SLIT3: variants seen among roughly 807,000 people sequenced by gnomAD.
SLIT3 encodes slit homolog 3 protein.
SLIT3 carries 68 observed loss-of-function variants against 184.0 expected under a neutral mutation model. That is an observed-to-expected ratio of 0.37 (90% confidence interval 0.30 to 0.45). The LOEUF (loss-of-function observed/expected upper bound fraction) is 0.45, where lower values mean the gene tolerates loss of function less well. Among genes scored for constraint, SLIT3 ranks in the 20% least tolerant of loss-of-function variants. The pLI, the probability that SLIT3 is intolerant of heterozygous loss-of-function variation, is 1.00. For synonymous variants in SLIT3, 831 were observed against 828.6 expected (o/e 1.00, Z -0.05); for missense variants, 1,707 against 2,026.0 (o/e 0.84, Z 3.02).
At chr5:169,206,926 A>G (rs988920341) in intron 3 of SLIT3, among the ~76,000 whole-genome samples, 1 of 152,148 alleles carries the variant, frequency 6.6e-6, no homozygotes, top group African/African-American at 2.4e-5. Flanking sequence ...TTTGCTAGAA[A>G]AGGAAGATAC....
chr5:168,974,502 G>A (rs1754684664), intron 4 of SLIT3, among the ~76,000 whole-genome samples: 1 of 152,188 alleles, frequency 6.6e-6, no homozygotes, highest in Non-Finnish European at 1.5e-5. Context: ...GTTTTCAAGG[G>A]TACATTTGAC....
chr5:169,043,336 G>C (rs971727549), intron 4 of SLIT3, among the ~76,000 whole-genome samples: 3 of 152,200 alleles, frequency 2.0e-5, no homozygotes, highest in Admixed American at 6.5e-5. Flanking sequence ...AAATTTGCTA[G>C]AAAAGTTTGA....
chr5:168,774,570 C>G (rs1201472143), intron 12 of SLIT3, among the ~76,000 whole-genome samples, 192 bp from the exon 13 acceptor site: 2 of 152,176 alleles, frequency 1.3e-5, no homozygotes. Flanking sequence ...CTTCTGGGCA[C>G]CTGCACACAC....
intron 32 of SLIT3, among the ~76,000 whole-genome samples, chr5:168,674,118 G>A (rs1374038399): frequency 6.6e-6 from 1 of 152,112 alleles, no homozygotes; most frequent in Non-Finnish European, 1.5e-5. Context: ...TCCCCCCTAA[G>A]GTCACCTCAG....
intron 4 of SLIT3, among the ~76,000 whole-genome samples, chr5:169,099,646 A>G (rs1387138017): frequency 6.6e-6 from 1 of 152,218 alleles, no homozygotes; most frequent in African/African-American, 2.4e-5. Context: ...GTTGAAATCC[A>G]GGCAGTCTGC....
rs776587669 is a variant in SLIT3 at position 168,671,294 on chromosome 5, C to A, written c.4031G>T (p.Arg1344Leu). 16 of 1,613,846 alleles carry A rather than the reference C, an allele frequency of 9.9e-6. No individual in the cohort carries two copies. In the South Asian group the frequency reaches 1.8e-4, roughly 18 times the overall value. ...CACCACGCTGTCCTTCTCCACGGAG[C>A]GGCACAGGCCGTGCTTGCACACGGT... is the stretch of plus-strand genomic sequence containing the variant. Reference protein sequence around the residue: ...SCTVCKHGLCRSVEKDSVVCE... With the variant: ...SCTVCKHGLCLSVEKDSVVCE... Residue 1344 changes from arginine (R) to leucine (L), a missense_variant, in exon 34 of 36, where the codon CGC becomes CTC. Transcript: ENST00000519560.
At chr5:168,932,055 C>T (rs960615376) in intron 4 of SLIT3, among the ~76,000 whole-genome samples, 3 of 152,148 alleles carry the variant, frequency 2.0e-5, no homozygotes, top group African/African-American at 7.2e-5. Context: ...TGGTGTCAAA[C>T]ATGGTTGGAT....
At chr5:168,743,145 C>T (rs1462225505) in intron 20 of SLIT3, among the ~76,000 whole-genome samples, 1 of 152,184 alleles carries the variant, frequency 6.6e-6, no homozygotes, top group African/African-American at 2.4e-5. Context: ...ATCAAAGCAA[C>T]TCTGGAGGAG....
At chr5:168,945,220 T>G (rs1166301518) in intron 4 of SLIT3, among the ~76,000 whole-genome samples, 1 of 151,036 alleles carries the variant, frequency 6.6e-6, no homozygotes, top group African/African-American at 2.4e-5. Flanking sequence ...CAAAGGAAGA[T>G]CAAAAGCTTC....
At chr5:169,116,399 C>G (rs1486605600) in intron 4 of SLIT3, among the ~76,000 whole-genome samples, 1 of 152,066 alleles carries the variant, frequency 6.6e-6, no homozygotes, top group Admixed American at 6.5e-5. Context: ...AATGTTAGGA[C>G]TTCATCATTG....
rs547666730 is a variant in SLIT3 at position 169,199,448 on chromosome 5, T to C, written c.342-5898A>G. On this transcript the variant is annotated intron_variant, in intron 3 of 35. Transcript: ENST00000519560. ...AGAGGAATAGAGAAGGGAGGAACAC[T>C]GTGCGGAAGGTGGTGTGTTTAGATT... is the stretch of plus-strand genomic sequence containing the variant. Among the ~76,000 whole-genome samples the C allele has an allele frequency of 5.6e-4, 85 of 152,104 alleles. 1 individual carries two copies. The highest frequency in any genetic ancestry group is 1.1e-3 in the Non-Finnish European group (72 of 68,020).
intron 11 of SLIT3, among the ~76,000 whole-genome samples, chr5:168,787,961 C>T (rs1032887305): frequency 5.3e-5 from 8 of 150,924 alleles, no homozygotes; most frequent in Non-Finnish European, 1.2e-4. Flanking sequence ...GCATCTACTG[C>T]ATGAATGAAT....
Position 169,211,497 on chromosome 5 carries a change from C to A in SLIT3, c.342-17947G>T, listed in dbSNP as rs190207964. Among the ~76,000 whole-genome samples the A allele has an allele frequency of 2.2e-3, 335 of 152,268 alleles. 2 individuals are homozygous for A. The highest frequency in any genetic ancestry group is 1.7e-3 in the Non-Finnish European group (113 of 68,016). On this transcript the variant is annotated intron_variant, in intron 3 of 35. Transcript: ENST00000519560. ...TCCATCTCCCTATCCCGTTACCCCT[C>A]AAAATTCACCTCCTACCACTCTCCT...
intron 4 of SLIT3, among the ~76,000 whole-genome samples, chr5:169,011,261 G>A (rs1756137474): frequency 6.6e-6 from 1 of 152,080 alleles, no homozygotes. Context: ...TGGAGTTTTT[G>A]GCGTGTCCGA....
chr5:169,185,507 C>T (rs1378460865), intron 4 of SLIT3, among the ~76,000 whole-genome samples: 1 of 152,364 alleles, frequency 6.6e-6, no homozygotes, highest in Non-Finnish European at 1.5e-5. Flanking sequence ...CATTTCACCA[C>T]ATCAGACAAT....
intron 3 of SLIT3, among the ~76,000 whole-genome samples, chr5:169,231,916 C>T (rs1765017821): frequency 6.6e-6 from 1 of 152,188 alleles, no homozygotes; most frequent in Non-Finnish European, 1.5e-5. Context: ...ACTAATGACA[C>T]ACTAAGCAAC....
At chr5:169,291,887 T>G (rs900149842) in intron 1 of SLIT3, among the ~76,000 whole-genome samples, 1 of 152,202 alleles carries the variant, frequency 6.6e-6, no homozygotes, top group African/African-American at 2.4e-5. Flanking sequence ...CTGACGTAGT[T>G]GCCACATCTA....
intron 9 of SLIT3, among the ~76,000 whole-genome samples, chr5:168,802,854 C>T (rs1252135946): frequency 6.6e-6 from 1 of 152,176 alleles, no homozygotes; most frequent in Non-Finnish European, 1.5e-5. Context: ...TATTCGTTCA[C>T]CTAACTTTCA....
intron 4 of SLIT3, among the ~76,000 whole-genome samples, chr5:169,165,062 A>G (rs1762591626): frequency 6.6e-6 from 1 of 152,256 alleles, no homozygotes; most frequent in Non-Finnish European, 1.5e-5. Context: ...CAACATATAT[A>G]GGCAAAACAA....
Sources: allele counts gnomAD v4.1 joint callset (sites outside exome capture counted in the v4.1 genomes callset), GRCh38; gene constraint gnomAD v4.1.1; transcripts MANE v1.5; gene names NCBI Gene and HGNC (gene_info 2026-07-23, HGNC 2026-07-21).